MKX: variants seen among roughly 807,000 people sequenced by gnomAD.
MKX encodes mohawk homeobox, also known as homeobox protein Mohawk.
MKX carries 13 observed loss-of-function variants against 36.0 expected under a neutral mutation model. That is an observed-to-expected ratio of 0.36 (90% CI 0.24 to 0.57). MKX has a LOEUF of 0.57. MKX is among the 20% of genes least tolerant of loss of function. MKX has a pLI of 0.79. For missense variants in MKX, 458 were observed against 456.4 expected (o/e 1.00, Z -0.03); for synonymous variants, 176 against 178.3 (o/e 0.99, Z 0.10).
intron 5 of MKX, among the ~76,000 whole-genome samples, chr10:27,709,391 C>T (rs1268774238): frequency 6.6e-6 from 1 of 152,120 alleles, no homozygotes; most frequent in African/African-American, 2.4e-5. Flanking sequence ...ACTTGAGCAT[C>T]TGTGGATTTT....
At chr10:27,735,078 AT>A in intron 4 of MKX, 142 bp downstream of exon 4, 2 of 689,586 alleles carry the variant, frequency 2.9e-6, no homozygotes, top group South Asian at 6.5e-5. Context: ...TTATAGTATT[AT>A]AAAAATGAAG....
At chr10:27,711,093 A>T (rs1836842613) in intron 5 of MKX, among the ~76,000 whole-genome samples, 1 of 152,180 alleles carries the variant, frequency 6.6e-6, no homozygotes, top group Non-Finnish European at 1.5e-5. Context: ...GATGATAATA[A>T]TTTTTTTGTA....
chr10:27,677,106 A>G (rs1426145158), intron 5 of MKX, among the ~76,000 whole-genome samples: 1 of 152,178 alleles, frequency 6.6e-6, no homozygotes, highest in Non-Finnish European at 1.5e-5. Context: ...TTGAGACTCC[A>G]AAACCAGATA....
At chr10:27,679,946 C>T (rs953706065) in intron 5 of MKX, among the ~76,000 whole-genome samples, 32 of 152,132 alleles carry the variant, frequency 2.1e-4, no homozygotes, top group African/African-American at 6.5e-4. Context: ...GTACCCACCA[C>T]TGGCGGTCAT....
intron 5 of MKX, among the ~76,000 whole-genome samples, chr10:27,702,269 G>A (rs1477456635): frequency 6.6e-6 from 1 of 152,168 alleles, no homozygotes; most frequent in Non-Finnish European, 1.5e-5. Flanking sequence ...TCCTAAGAGA[G>A]AGAGCTGTCT....
At chr10:27,735,709 A>G (rs1172851449) in intron 3 of MKX, among the ~76,000 whole-genome samples, 1 of 152,236 alleles carries the variant, frequency 6.6e-6, no homozygotes, top group Non-Finnish European at 1.5e-5. Flanking sequence ...AGACATTAAA[A>G]TGATACGAGT....
chr10:27,699,555 T>C (rs1303549480), intron 5 of MKX, among the ~76,000 whole-genome samples: 2 of 152,188 alleles, frequency 1.3e-5, no homozygotes, highest in African/African-American at 4.8e-5. Flanking sequence ...GGAACCACAG[T>C]TGTAATCTGT....
chr10:27,722,381 C>G (rs1834398694), intron 5 of MKX, among the ~76,000 whole-genome samples: 1 of 152,216 alleles, frequency 6.6e-6, no homozygotes, highest in Admixed American at 6.5e-5. Context: ...TTAGCTATGA[C>G]TTTCTATAAA....
intron 5 of MKX, among the ~76,000 whole-genome samples, chr10:27,680,910 G>A (rs1836242449): frequency 6.6e-6 from 1 of 152,180 alleles, no homozygotes; most frequent in South Asian, 2.1e-4. Context: ...GCTCGGCCAA[G>A]GGGGAAAACA....
rs150434017 is a variant in MKX at position 27,740,731 on chromosome 10, G to A, written c.348+614C>T. The stretch of plus-strand genomic sequence containing the variant: ...AGAAAAGCATCAGGAGCAAAATGCT[G>A]TGGATTGCAGCTAATGTTTAGGATG... On this transcript the variant is annotated intron_variant, in intron 3 of 6. Transcript: ENST00000419761. Among the ~76,000 whole-genome samples the A allele has an allele frequency of 8.6e-3, 1,308 of 152,318 alleles. 8 individuals carry two copies. The highest frequency in any genetic ancestry group is 0.015 in the Non-Finnish European group (1,029 of 68,030).
At chr10:27,745,119 C>T (rs1835023218) in intron 1 of MKX, among the ~76,000 whole-genome samples, 2 of 152,182 alleles carry the variant, frequency 1.3e-5, no homozygotes, top group Admixed American at 1.3e-4. Context: ...CTTCCCCGGC[C>T]CGGCCTTCTC....
intron 5 of MKX, among the ~76,000 whole-genome samples, chr10:27,701,526 C>A (rs1836654535): frequency 7.1e-6 from 1 of 141,260 alleles, no homozygotes; most frequent in Non-Finnish European, 1.5e-5. Flanking sequence ...TATTTAATAT[C>A]TTTGTATGTT....
In MKX at chr10:27,741,339, G is replaced by C; in HGVS notation, c.348+6C>G. 1.2e-6 allele frequency: 2 copies of C among 1,612,368 alleles called. No individual in the cohort carries two copies. Among genetic ancestry groups the C allele is most frequent in the Non-Finnish European group, 8.5e-7 (1 of 1,179,332 alleles). ...ACGGATCAGGGTGTTAATGGGTCCT[G>C]ATTACCTGCACTAGCGTCATCTGCG... On this transcript the variant is annotated splice_donor_region_variant and intron_variant, in intron 3 of 6. Coordinates refer to ENST00000419761, the MANE Select transcript of MKX (RefSeq NM_173576.3). The surrounding 1 kb of genome is among the most constrained non-coding windows in gnomAD (Gnocchi z 5.1).
intron 5 of MKX, among the ~76,000 whole-genome samples, chr10:27,679,883 G>T (rs1836222357): frequency 6.6e-6 from 1 of 152,026 alleles, no homozygotes; most frequent in South Asian, 2.1e-4. Flanking sequence ...CAAGTGTGCT[G>T]TGTGTTGTGT....
intron 5 of MKX, among the ~76,000 whole-genome samples, chr10:27,708,288 C>CT (rs1057038784): frequency 1.3e-5 from 2 of 152,144 alleles, no homozygotes; most frequent in South Asian, 2.1e-4. Flanking sequence ...TCACTTCACA[C>CT]TTTTTTTTCC....
At position 27,742,117 on chromosome 10, in the gene MKX, A is replaced by G. The variant is rs1834912272; in HGVS notation, c.189-613T>C. 1.3e-5 allele frequency among the ~76,000 whole-genome samples: 2 copies of G among 152,234 alleles called. No homozygotes were observed. Among genetic ancestry groups the G allele is most frequent in the African/African-American group, 4.8e-5 (2 of 41,478 alleles). On this transcript the variant is annotated intron_variant, in intron 2 of 6. Transcript: ENST00000419761. This position sits in a 1 kb window ranked among gnomAD's most constrained non-coding sequence, Gnocchi z 4.2. ...TTGTGGAGGAAAGCTGCAGAACCCA[A>G]AAACACCGTCGGGCCGTTTCCCGAC...
chr10:27,688,549 G>A (rs1836399019), intron 5 of MKX, among the ~76,000 whole-genome samples: 1 of 152,212 alleles, frequency 6.6e-6, no homozygotes, highest in South Asian at 2.1e-4. Context: ...TATTGGAGAT[G>A]TTACCCAAAG....
intron 5 of MKX, among the ~76,000 whole-genome samples, chr10:27,704,652 T>C (rs1836718147): frequency 6.6e-6 from 1 of 151,934 alleles, no homozygotes. Context: ...TGGAAAAAAA[T>C]AAAGTTGGAC....
chr10:27,743,246 A>T lies in MKX; in HGVS notation c.170T>A (p.Leu57Gln). 6.6e-7 allele frequency: 1 copy of T among 1,524,334 alleles called. No individual in the cohort carries two copies. Among genetic ancestry groups the T allele is most frequent in the Non-Finnish European group, 8.8e-7 (1 of 1,142,540 alleles). 94.4% of individuals were successfully genotyped at this position (1,524,334 alleles called of 1,614,324 possible). ...DGPPLKDNLG[L>Q]RHRRTGARQN... ...CGCATACCCGGTCCTCCGGTGTCTC[A>T]GGCCGAGGTTGTCCTTGAGGGGCGG... Residue 57 changes from leucine (L) to glutamine (Q), a missense_variant, in exon 2 of 7, where the codon CTG becomes CAG. Transcript: ENST00000419761.
Sources: gnomAD v4.1 joint callset for allele counts (sites outside exome capture counted in the v4.1 genomes callset) on GRCh38, gnomAD v4.1.1 for gene constraint, Gnocchi (gnomAD v3.1) non-coding constraint, MANE v1.5 for transcripts, NCBI Gene and HGNC (gene_info 2026-07-23, HGNC 2026-07-21) for gene names.